The following MGMT variants were observed in gnomAD, a reference collection of about 807,000 sequenced individuals.
MGMT encodes the protein O-6-methylguanine-DNA methyltransferase, also known as methylated-DNA--protein-cysteine methyltransferase.
MGMT carries 14 observed loss-of-function variants against 15.9 expected under a neutral mutation model. The ratio of observed to expected loss-of-function variants is 0.88; its 90% CI spans 0.58 to 1.37. MGMT has a LOEUF of 1.37. MGMT is among the 40% of genes most tolerant of loss of function. The pLI, the probability that MGMT is intolerant of heterozygous loss-of-function variation, is 0.00. For synonymous variants in MGMT, 130 were observed against 118.2 expected (o/e 1.10, Z -0.65); for missense variants, 282 against 268.1 (o/e 1.05, Z -0.36).
At chr10:129,729,152 G>A (rs1253190560) in intron 3 of MGMT, among the ~76,000 whole-genome samples, 6 of 152,086 alleles carry the variant, frequency 3.9e-5, no homozygotes, top group Admixed American at 3.9e-4. Flanking sequence ...TGACCTGAGT[G>A]GACAGGGAGA....
intron 1 of MGMT, among the ~76,000 whole-genome samples, chr10:129,508,385 G>A (rs1845646415): frequency 6.6e-6 from 1 of 152,140 alleles, no homozygotes; most frequent in Admixed American, 6.5e-5. Flanking sequence ...GGAGAAAAAA[G>A]TTGATCTTCA....
chr10:129,516,133 C>T (rs1361970689), intron 1 of MGMT, among the ~76,000 whole-genome samples: 5 of 152,132 alleles, frequency 3.3e-5, no homozygotes, highest in East Asian at 3.9e-4. Context: ...ATTGTAAGTT[C>T]GTCTCTTCCC....
At chr10:129,569,493 C>G (rs561719073) in intron 2 of MGMT, among the ~76,000 whole-genome samples, 11 of 152,316 alleles carry the variant, frequency 7.2e-5, no homozygotes, top group African/African-American at 2.6e-4. Context: ...CTCAGAGCCC[C>G]TTCCTCCCGA....
intron 2 of MGMT, among the ~76,000 whole-genome samples, chr10:129,657,935 T>C (rs1426607788): frequency 6.6e-6 from 1 of 152,084 alleles, no homozygotes; most frequent in Non-Finnish European, 1.5e-5. Flanking sequence ...GGCACCTCTA[T>C]CCTATTTTCT....
At chr10:129,538,239 A>T (rs1846007068) in intron 2 of MGMT, among the ~76,000 whole-genome samples, 1 of 152,260 alleles carries the variant, frequency 6.6e-6, no homozygotes, top group South Asian at 2.1e-4. Flanking sequence ...ACCGCCGAAG[A>T]TATAGAACAT....
intron 2 of MGMT, among the ~76,000 whole-genome samples, chr10:129,592,609 G>C (rs1846699883): frequency 6.6e-6 from 1 of 152,178 alleles, no homozygotes; most frequent in South Asian, 2.1e-4. Flanking sequence ...GCCCCTTGTT[G>C]AGAGTTCTGT....
intron 2 of MGMT, among the ~76,000 whole-genome samples, chr10:129,699,451 G>A (rs10734088): frequency 0.6 from 90,848 of 151,820 alleles, 27,909 homozygotes; most frequent in South Asian, 0.71. Context: ...ATAGCGTGCC[G>A]GTTAAAAATC....
rs375357843 is a variant in MGMT, at chr10:129,708,402, A to T, written c.274+359A>T. ...CTATCTGCTTGCCAACAGCACAGAA[A>T]ACGAGACTTGTGCGTGGACATTTAG... On this transcript the variant is annotated intron_variant, in intron 3 of 4. Coordinates refer to ENST00000651593, the MANE Select transcript of MGMT (RefSeq NM_002412.5). 3.7e-4 allele frequency among the ~76,000 whole-genome samples: 56 copies of T among 152,340 alleles called. 1 individual carries two copies. The South Asian group carries it at 0.01, about 28-fold the overall frequency.
At chr10:129,534,494 G>A (rs1044980067) in intron 1 of MGMT, among the ~76,000 whole-genome samples, 2 of 152,058 alleles carry the variant, frequency 1.3e-5, no homozygotes, top group South Asian at 2.1e-4. Flanking sequence ...AATCTTGAGA[G>A]TAATGCTTCT....
chr10:129,559,050 C>T (rs1846247833), intron 2 of MGMT, among the ~76,000 whole-genome samples: 1 of 152,144 alleles, frequency 6.6e-6, no homozygotes, highest in Non-Finnish European at 1.5e-5. Context: ...CCCAGTTCTC[C>T]TGGAATATTT....
intron 2 of MGMT, among the ~76,000 whole-genome samples, chr10:129,589,831 G>A (rs551137273): frequency 6.4e-4 from 97 of 152,350 alleles, no homozygotes; most frequent in Admixed American, 1.4e-3. Flanking sequence ...GCTGGGAGCC[G>A]CGTGAAAATC....
chr10:129,480,919 A>G (rs1259684059), intron 1 of MGMT, among the ~76,000 whole-genome samples: 1 of 152,214 alleles, frequency 6.6e-6, no homozygotes, highest in Non-Finnish European at 1.5e-5. Context: ...AGTCTCTGCC[A>G]TTTGCGGAGC....
rs545698599 is a variant in MGMT, at chr10:129,472,293, G to A, written c.-13+4997G>A. On this transcript the variant is annotated intron_variant, in intron 1 of 4. Transcript: ENST00000651593. Reference sequence around the variant, plus strand: ...CCCTCCAGGCACCTCCTCATCCATTGGGTGGGGACGATTATGCTTATTCGG... The same window carrying A: ...CCCTCCAGGCACCTCCTCATCCATTAGGTGGGGACGATTATGCTTATTCGG... Among the ~76,000 whole-genome samples, 3 of 152,180 alleles carry A rather than the reference G, an allele frequency of 2.0e-5. No individual in the cohort carries two copies. The South Asian group carries it at 6.2e-4, about 32-fold the overall frequency.
rs573739891 is a variant in MGMT, at chr10:129,528,137, T to C, written c.-12-8104T>C. On this transcript the variant is annotated intron_variant, in intron 1 of 4. Coordinates refer to ENST00000651593, the MANE Select transcript of MGMT (RefSeq NM_002412.5). ...AATTAGATATTTTGTTCAACATATA[T>C]TTGCTGAGAAATCGTGGGTGCCAGG... Among the ~76,000 whole-genome samples, 9 of 152,296 alleles carry C rather than the reference T, an allele frequency of 5.9e-5. No homozygotes were observed. In the South Asian group the frequency reaches 1.9e-3, roughly 32 times the overall value.
intron 3 of MGMT, among the ~76,000 whole-genome samples, chr10:129,711,904 A>G (rs1381423037): frequency 1.3e-5 from 2 of 152,150 alleles, no homozygotes; most frequent in Non-Finnish European, 2.9e-5. Context: ...TATCATTTAA[A>G]CTTTGAACAC....
At chr10:129,478,163 A>G (rs1291009003) in intron 1 of MGMT, among the ~76,000 whole-genome samples, 1 of 152,112 alleles carries the variant, frequency 6.6e-6, no homozygotes. Context: ...GACCAGCTCA[A>G]ATGCTGCCAG....
At chr10:129,654,650 A>G (rs1847502998) in intron 2 of MGMT, among the ~76,000 whole-genome samples, 1 of 151,912 alleles carries the variant, frequency 6.6e-6, no homozygotes, top group Non-Finnish European at 1.5e-5. Flanking sequence ...TGGGTGGGTA[A>G]GTCCCTGGAG....
chr10:129,704,777 G>C (rs1316132261), intron 2 of MGMT, among the ~76,000 whole-genome samples: 1 of 151,862 alleles, frequency 6.6e-6, no homozygotes, highest in Non-Finnish European at 1.5e-5. Flanking sequence ...CACCCAAAAA[G>C]GTCCATTTTT....
At chr10:129,502,264 G>A (rs1176917537) in intron 1 of MGMT, among the ~76,000 whole-genome samples, 1 of 151,534 alleles carries the variant, frequency 6.6e-6, no homozygotes, top group Non-Finnish European at 1.5e-5. Context: ...GGCTAGTTCC[G>A]TAACCTCCCT....
Sources: gnomAD v4.1 joint callset for allele counts (sites outside exome capture counted in the v4.1 genomes callset) on GRCh38, gnomAD v4.1.1 for gene constraint, MANE v1.5 for transcripts, NCBI Gene and HGNC (gene_info 2026-07-23, HGNC 2026-07-21) for gene names.